RFLNA: variants seen among roughly 807,000 people sequenced by gnomAD.
The protein encoded by RFLNA is refilin A.
RFLNA carries 5 observed loss-of-function variants against 7.8 expected under a neutral mutation model. The observed-to-expected ratio is 0.64, with a 90% CI of 0.34 to 1.35. RFLNA has a LOEUF of 1.35. Ranked by LOEUF, RFLNA falls within the 40% of genes most tolerant of loss-of-function variation. The pLI is 0.04. For missense variants in RFLNA, 278 were observed against 305.5 expected (o/e 0.91, Z 0.67); for synonymous variants, 141 against 131.3 (o/e 1.07, Z -0.50).
Position 124,289,300 on chromosome 12 carries a change from G to A in RFLNA, c.-107G>A, listed in dbSNP as rs1171687448. On this transcript the variant is annotated 5_prime_UTR_variant, in exon 1 of 3. Coordinates refer to the RFLNA transcript ENST00000324038. The surrounding 1 kb of genome is among the most constrained non-coding windows in gnomAD (Gnocchi z 5.0). The stretch of plus-strand genomic sequence containing the variant: ...AGCTAAAAGCTCCTTACAGCCGGAA[G>A]GTGTGAAGCGGCAAGTTTCCAGCCG... 6.6e-6 allele frequency: 1 copy of A among 152,232 alleles called. No homozygotes were observed. Among genetic ancestry groups the A allele is most frequent in the African/African-American group, 2.4e-5 (1 of 41,454 alleles). 9.4% of individuals were successfully genotyped at this position (152,232 alleles called of 1,614,324 possible). A position where few individuals can be genotyped will look rare whatever the true frequency, so the allele number is the denominator to read the frequency against.
chr12:124,311,186 T>C (rs1368846415), intron 1 of RFLNA, among the ~76,000 whole-genome samples: 1 of 152,216 alleles, frequency 6.6e-6, no homozygotes, highest in Non-Finnish European at 1.5e-5. Context: ...CCATGTCCAA[T>C]CCAGTCCTTG....
chr12:124,300,395 G>A (rs2034006189), intron 1 of RFLNA, among the ~76,000 whole-genome samples: 1 of 152,244 alleles, frequency 6.6e-6, no homozygotes, highest in African/African-American at 2.4e-5. Context: ...CTCCCCTGGG[G>A]GCCCAGCTCT....
At chr12:124,297,799 G>A (rs560195952) in intron 1 of RFLNA, among the ~76,000 whole-genome samples, 1 of 152,332 alleles carries the variant, frequency 6.6e-6, no homozygotes, top group Admixed American at 6.5e-5. Flanking sequence ...CTCAGCTTTG[G>A]GGCTTGCCGC....
chr12:124,309,440 C>T (rs950061166), intron 1 of RFLNA, among the ~76,000 whole-genome samples: 3 of 152,206 alleles, frequency 2.0e-5, no homozygotes, highest in African/African-American at 7.2e-5. Context: ...AGCGCAGTGC[C>T]GGCACACAGT....
chr12:124,300,036 GC>G (rs1212989184), intron 1 of RFLNA, among the ~76,000 whole-genome samples: 7 of 152,228 alleles, frequency 4.6e-5, no homozygotes. Context: ...ACTCAGGGAG[GC>G]TGAAAGTGGC....
intron 1 of RFLNA, among the ~76,000 whole-genome samples, chr12:124,302,799 AGGGGCT>A (rs1384777349): frequency 2.3e-5 from 3 of 129,774 alleles, no homozygotes; most frequent in Non-Finnish European, 3.4e-5. Context: ...GGCCGAGGTC[AGGGGCT>A]GAGGTCAGGG....
chr12:124,307,030 A>G (rs555767035), intron 1 of RFLNA, among the ~76,000 whole-genome samples: 25 of 152,272 alleles, frequency 1.6e-4, no homozygotes, highest in African/African-American at 5.5e-4. Flanking sequence ...GGAGCCAGCT[A>G]TCCCCTCTTC....
At chr12:124,292,694 A>G (rs539089567), upstream of RFLNA, among the ~76,000 whole-genome samples, 2 of 152,316 alleles carry the variant, frequency 1.3e-5, no homozygotes, top group Admixed American at 6.5e-5. Context: ...CACACAGGGC[A>G]GCCTGTTTCA....
Position 124,309,651 on chromosome 12 carries a change from C to T in RFLNA, c.208-2167C>T, listed in dbSNP as rs11833868. 5.4e-3 allele frequency among the ~76,000 whole-genome samples: 825 copies of T among 152,326 alleles called. 9 individuals are homozygous for T. Among genetic ancestry groups the T allele is most frequent in the African/African-American group, 0.019 (775 of 41,568 alleles). ...CCTTCACCTCCCTGAGCCCTTGGAG[C>T]GGGCACGTGTAGTTCCAGCAGAGGC... On this transcript the variant is annotated intron_variant, in intron 1 of 2. Coordinates refer to ENST00000546355, the MANE Select transcript of RFLNA (RefSeq NM_001365156.1).
intron 1 of RFLNA, among the ~76,000 whole-genome samples, chr12:124,297,182 A>G (rs915093013): frequency 9.9e-5 from 15 of 152,188 alleles, no homozygotes; most frequent in Non-Finnish European, 2.2e-4. Context: ...TCCATGACCC[A>G]GAAGCCTCCT....
rs1281990460 is a variant in RFLNA, at chr12:124,311,838, TC to T, written c.233del (p.Pro78ArgfsTer5). 4 of 1,594,438 alleles carry T rather than the reference TC, an allele frequency of 2.5e-6. No individual in the cohort carries two copies. Among genetic ancestry groups the T allele is most frequent in the East Asian group, 2.3e-5 (1 of 42,664 alleles). Reference sequence around the variant, plus strand: ...CACAGCCCCCCTCCCAACTCCCAAATCCCCCGGCGTCGGAGATGAGGCCCCG... The same window carrying T: ...CACAGCCCCCCTCCCAACTCCCAAATCCCCGGCGTCGGAGATGAGGCCCCG... ...ARAPPSQLPN[P>X]PASEMRPRML... On this transcript the variant is annotated frameshift_variant, in exon 2 of 3. Coordinates refer to ENST00000546355, the MANE Select transcript of RFLNA (RefSeq NM_001365156.1). LOFTEE classifies it high-confidence loss of function.
intron 1 of RFLNA, among the ~76,000 whole-genome samples, chr12:124,304,544 G>A (rs924211187): frequency 3.9e-5 from 6 of 152,368 alleles, no homozygotes; most frequent in South Asian, 4.1e-4. Context: ...CAGGTGTGGT[G>A]GTATCCGGAG....
intron 1 of RFLNA, 56 bp from the exon 2 acceptor site, chr12:124,311,762 C>T (rs896984609): frequency 6.9e-6 from 10 of 1,443,048 alleles, no homozygotes; most frequent in Non-Finnish European, 8.3e-6. Context: ...CAGCAGGGAG[C>T]TGAGGCCACT....
At chr12:124,313,226 C>G (rs906432217) in intron 2 of RFLNA, among the ~76,000 whole-genome samples, 6 of 152,136 alleles carry the variant, frequency 3.9e-5, no homozygotes, top group African/African-American at 1.4e-4. Context: ...TCTGGGGGTT[C>G]AGTGGGGAAT....
At position 124,295,610 on chromosome 12, in the gene RFLNA, C is replaced by A. The variant is rs1244810403; in HGVS notation, c.181C>A (p.Pro61Thr). ...GGGGGGCGCCGGCGCCTCCTCGGAG[C>A]CCCCGGGACCCAGCGAGGCCAGAGC... ...RAGGAGASSE[P>T]PGPSEARAPP... Residue 61 changes from proline (P) to threonine (T), a missense_variant, in exon 1 of 3, where the codon CCC becomes ACC. Transcript: ENST00000546355. The A allele has an allele frequency of 2.5e-6, 3 of 1,219,722 alleles. No homozygotes were observed. The highest frequency in any genetic ancestry group is 1.7e-5 in the African/African-American group (1 of 60,116). The allele number at this position is 1,219,722 out of a possible 1,614,324, so 75.6% of individuals were successfully genotyped here. A position where few individuals can be genotyped will look rare whatever the true frequency, so the allele number is the denominator to read the frequency against.
chr12:124,303,780 G>A (rs540706744), intron 1 of RFLNA, among the ~76,000 whole-genome samples: 18 of 152,280 alleles, frequency 1.2e-4, no homozygotes, highest in African/African-American at 3.6e-4. Context: ...GCATCTCACC[G>A]GATTCTGTCT....
upstream of RFLNA, among the ~76,000 whole-genome samples, chr12:124,293,902 C>G (rs1462445651): frequency 6.6e-6 from 1 of 152,222 alleles, no homozygotes; most frequent in Non-Finnish European, 1.5e-5. Flanking sequence ...AAGAAGCCTT[C>G]CCTGAACACT....
At position 124,312,316 on chromosome 12, in the gene RFLNA, A is replaced by ATTT. The variant is rs11453894; in HGVS notation, c.317+401_317+403dup. Among the ~76,000 whole-genome samples, 78 of 144,890 alleles carry ATTT rather than the reference A, an allele frequency of 5.4e-4. 1 individual carries two copies. The highest frequency in any genetic ancestry group is 1.3e-3 in the African/African-American group (52 of 39,330). ...AACTCTACCTCCCTTCTCCTGCCAG[A>ATTT]TTTTTTTTTTTTTTGATGGGATCTC... On this transcript the variant is annotated intron_variant, in intron 2 of 2. Transcript: ENST00000546355.
intron 1 of RFLNA, among the ~76,000 whole-genome samples, chr12:124,309,828 T>C (rs188359500): frequency 6.6e-6 from 1 of 152,266 alleles, no homozygotes; most frequent in Admixed American, 6.5e-5. Flanking sequence ...TGGCGGTGAC[T>C]TGAGTGTTGC....
Sources: allele counts gnomAD v4.1 joint callset (sites outside exome capture counted in the v4.1 genomes callset), GRCh38; gene constraint gnomAD v4.1.1; non-coding constraint Gnocchi (gnomAD v3.1); transcripts MANE v1.5; gene names NCBI Gene and HGNC (gene_info 2026-07-23, HGNC 2026-07-21).